The following NXPE2 variants were observed in gnomAD, a reference collection of about 807,000 sequenced individuals.
NXPE2 encodes neurexophilin and PC-esterase domain family member 2.
NXPE2 carries 34 observed loss-of-function variants against 34.4 expected under a neutral mutation model. That is an observed-to-expected ratio of 0.99 (90% confidence interval 0.75 to 1.31). The LOEUF (loss-of-function observed/expected upper bound fraction) is 1.31, where lower values mean the gene tolerates loss of function less well. Among genes scored for constraint, NXPE2 ranks in the 40% most tolerant of loss-of-function variants. The probability of loss-of-function intolerance (pLI) is 0.00; values close to 1 mark genes in which losing one functional copy is unlikely to be tolerated. For missense variants in NXPE2, 649 were observed against 672.5 expected (o/e 0.97, Z 0.39); for synonymous variants, 235 against 231.3 (o/e 1.02, Z -0.15).
chr11:114,746,827 G>A, the NXPE2 span, among the ~76,000 whole-genome samples: 1 of 150,936 alleles, frequency 6.6e-6, no homozygotes, highest in African/African-American at 2.4e-5. Context: ...CTCCAGCCTG[G>A]GCAATAGAGT....
At chr11:114,638,269 T>C in the NXPE2 span, among the ~76,000 whole-genome samples, 1 of 152,120 alleles carries the variant, frequency 6.6e-6, no homozygotes, top group African/African-American at 2.4e-5. Flanking sequence ...CTCCTGAGGC[T>C]TCTGCATTCT....
At chr11:114,542,023 G>A in the NXPE2 span, among the ~76,000 whole-genome samples, 1 of 152,054 alleles carries the variant, frequency 6.6e-6, no homozygotes, top group African/African-American at 2.4e-5. Flanking sequence ...TATGGCTGTG[G>A]CTATATCAAT....
chr11:114,684,841 T>C (rs1174013666), intron 2 of NXPE2, among the ~76,000 whole-genome samples: 1 of 152,148 alleles, frequency 6.6e-6, no homozygotes, highest in Non-Finnish European at 1.5e-5. Flanking sequence ...TGACAGGAAG[T>C]TGAATGGCTA....
the NXPE2 span, among the ~76,000 whole-genome samples, chr11:114,667,198 TC>T: frequency 6.6e-6 from 1 of 152,290 alleles, no homozygotes. Flanking sequence ...CTGGTTTTGT[TC>T]TTTTAGAAAT....
the NXPE2 span, among the ~76,000 whole-genome samples, chr11:114,485,383 CTTTTTT>C: frequency 2.2e-5 from 2 of 89,220 alleles, no homozygotes; most frequent in African/African-American, 9.3e-5. Flanking sequence ...TAATTTTTGT[CTTTTTT>C]TTTTTTTTTT....
At chr11:114,609,833 C>A in the NXPE2 span, among the ~76,000 whole-genome samples, 1 of 151,508 alleles carries the variant, frequency 6.6e-6, no homozygotes, top group African/African-American at 2.4e-5. Flanking sequence ...ACCATGGTAA[C>A]CCGATGGATA....
chr11:114,593,481 C>T, the NXPE2 span, among the ~76,000 whole-genome samples: 1 of 152,106 alleles, frequency 6.6e-6, no homozygotes, highest in Non-Finnish European at 1.5e-5. Flanking sequence ...GTAATATAAT[C>T]TCACTCCTGT....
the NXPE2 span, among the ~76,000 whole-genome samples, chr11:114,514,426 A>G: frequency 2.0e-5 from 3 of 152,132 alleles, no homozygotes; most frequent in East Asian, 3.9e-4. Flanking sequence ...GGACCACTCT[A>G]TTGCCCAGGC....
chr11:114,587,976 A>C, the NXPE2 span, among the ~76,000 whole-genome samples: 1 of 152,182 alleles, frequency 6.6e-6, no homozygotes, highest in Non-Finnish European at 1.5e-5. Context: ...TGTAGATGGG[A>C]CAGCAAATGG....
chr11:114,534,820 G>T, the NXPE2 span, among the ~76,000 whole-genome samples: 1 of 152,202 alleles, frequency 6.6e-6, no homozygotes, highest in Non-Finnish European at 1.5e-5. Flanking sequence ...GTACCTGAAA[G>T]TGACGGGGAG....
At chr11:114,563,004 A>G in the NXPE2 span, among the ~76,000 whole-genome samples, 2 of 152,262 alleles carry the variant, frequency 1.3e-5, no homozygotes, top group South Asian at 2.1e-4. Flanking sequence ...ACTCTAATCA[A>G]CTGTGCTAGT....
At chr11:114,542,212 G>A in the NXPE2 span, among the ~76,000 whole-genome samples, 4 of 151,278 alleles carry the variant, frequency 2.6e-5, no homozygotes, top group Non-Finnish European at 5.9e-5. Context: ...TCAATATTTT[G>A]TCAAAATTTG....
At chr11:114,608,716 A>C in the NXPE2 span, among the ~76,000 whole-genome samples, 4 of 151,976 alleles carry the variant, frequency 2.6e-5, no homozygotes, top group African/African-American at 9.6e-5. Context: ...GTGGATAATA[A>C]GTACTGCCTC....
At chr11:114,634,427 G>C in the NXPE2 span, among the ~76,000 whole-genome samples, 4 of 152,172 alleles carry the variant, frequency 2.6e-5, no homozygotes, top group Middle Eastern at 6.8e-3. Context: ...TGTTCACTCT[G>C]ATGGTAGTTT....
At chr11:114,741,326 A>G in the NXPE2 span, among the ~76,000 whole-genome samples, 3 of 152,200 alleles carry the variant, frequency 2.0e-5, no homozygotes, top group African/African-American at 7.2e-5. Context: ...AACTATTTGA[A>G]GACTTCAAGC....
chr11:114,536,413 G>C, the NXPE2 span, among the ~76,000 whole-genome samples: 1 of 152,082 alleles, frequency 6.6e-6, no homozygotes, highest in South Asian at 2.1e-4. Context: ...GCTAGCAGAA[G>C]GCAAGAAATA....
the NXPE2 span, among the ~76,000 whole-genome samples, chr11:114,663,015 A>T: frequency 2.0e-5 from 3 of 152,106 alleles, no homozygotes; most frequent in African/African-American, 7.2e-5. Flanking sequence ...TGATTCCAGC[A>T]CTTGTCTCTT....
chr11:114,638,355 A>T, the NXPE2 span, among the ~76,000 whole-genome samples: 1 of 151,698 alleles, frequency 6.6e-6, no homozygotes, highest in Non-Finnish European at 1.5e-5. Context: ...TATTCTAGTT[A>T]TCCATTCGTC....
the NXPE2 span, among the ~76,000 whole-genome samples, chr11:114,722,575 T>C: frequency 6.6e-6 from 1 of 152,170 alleles, no homozygotes; most frequent in Non-Finnish European, 1.5e-5. Flanking sequence ...AGAGACAAAA[T>C]GTAACTTTGA....
Sources: gnomAD v4.1 joint callset for allele counts (sites outside exome capture counted in the v4.1 genomes callset) on GRCh38, gnomAD v4.1.1 for gene constraint, MANE v1.5 for transcripts, NCBI Gene and HGNC (gene_info 2026-07-23, HGNC 2026-07-21) for gene names.